The following PPDPFL variants were observed in gnomAD, a reference collection of about 807,000 sequenced individuals.
PPDPFL encodes the protein pancreatic progenitor cell differentiation and proliferation factor like.
A neutral mutation model predicts 12.6 loss-of-function variants in PPDPFL; 12 were observed. The observed-to-expected ratio is 0.95, with a 90% CI of 0.61 to 1.54. The LOEUF is 1.54. Among genes scored for constraint, PPDPFL ranks in the 40% most tolerant of loss-of-function variants. PPDPFL has a pLI of 0.00. For synonymous variants in PPDPFL, 24 were observed against 32.7 expected (o/e 0.73, Z 0.91); for missense variants, 114 against 96.0 (o/e 1.19, Z -0.78).
chr8:49,054,935 C>T (rs754873456), intron 1 of PPDPFL, among the ~76,000 whole-genome samples: 11 of 152,066 alleles, frequency 7.2e-5, no homozygotes, highest in Non-Finnish European at 1.5e-4. Flanking sequence ...TTTGTTGGTG[C>T]TCCTCAAAGC....
Position 49,075,620 on chromosome 8 carries a change from ATTTAT to A in PPDPFL, c.*450_*454del, listed in dbSNP as rs1808484881. The A allele has an allele frequency of 1.2e-5, 3 of 248,574 alleles. No individual in the cohort carries two copies. In the South Asian group the frequency reaches 2.1e-4, roughly 17 times the overall value. The allele number at this position is 248,574 out of a possible 1,614,324, so 15.4% of individuals were successfully genotyped here. On this transcript the variant is annotated 3_prime_UTR_variant, in exon 5 of 5. Coordinates refer to ENST00000522267, the MANE Select transcript of PPDPFL (RefSeq NM_001256597.2). ...AGACTCTTTTTCTGTCTGTTGAGTG[ATTTAT>A]TTATTATGCCTTAAAACTGACTTGT...
At chr8:49,070,837 A>G (rs1438948667), upstream of PPDPFL, among the ~76,000 whole-genome samples, 1 of 152,166 alleles carries the variant, frequency 6.6e-6, no homozygotes, top group African/African-American at 2.4e-5. Flanking sequence ...TAACACAGCC[A>G]TATCATATGG....
rs747432873 is a variant in PPDPFL, at chr8:49,074,126, A to T, written c.123A>T (p.Lys41Asn). Residue 41 changes from lysine (K) to asparagine (N), a missense_variant, in exon 3 of 5, where the codon AAA becomes AAT. Coordinates refer to ENST00000522267, the MANE Select transcript of PPDPFL (RefSeq NM_001256597.2). ...SDSVNFIDDD[K>N]PQQGLPEVAE... ...CTGTTAACTTCATAGATGACGACAA[A>T]CCACAGCAAGGTACTTAGTTATTTC... 4.3e-6 allele frequency: 7 copies of T among 1,612,496 alleles called. No homozygotes were observed. Among genetic ancestry groups the T allele is most frequent in the Non-Finnish European group, 5.9e-6 (7 of 1,178,582 alleles).
At chr8:49,073,303 A>G (rs1257625588) in intron 2 of PPDPFL, among the ~76,000 whole-genome samples, 2 of 152,226 alleles carry the variant, frequency 1.3e-5, no homozygotes, top group African/African-American at 4.8e-5. Flanking sequence ...GCCAACTTCT[A>G]TCTGGCCAGT....
chr8:49,059,342 A>C (rs781448112), intron 1 of PPDPFL, among the ~76,000 whole-genome samples: 6 of 152,286 alleles, frequency 3.9e-5, no homozygotes, highest in African/African-American at 1.4e-4. Flanking sequence ...ATCTTGGTTC[A>C]TGGTAGGGAA....
intron 1 of PPDPFL, among the ~76,000 whole-genome samples, chr8:49,059,957 C>T (rs941851152): frequency 4.7e-4 from 72 of 152,152 alleles, no homozygotes; most frequent in African/African-American, 1.6e-3. Context: ...AAAACCATTC[C>T]GGGCTTTGGA....
chr8:49,070,897 CTGAAATCTGCTCTCT>C, upstream of PPDPFL, among the ~76,000 whole-genome samples: 1 of 152,102 alleles, frequency 6.6e-6, no homozygotes, highest in Middle Eastern at 3.4e-3. Context: ...TTAAGAGCAC[CTGAAATCTGCTCTCT>C]TGGAAAATTT....
At chr8:49,075,116 A>T in intron 4 of PPDPFL, 36 bp from the exon 5 acceptor site, 1 of 1,608,930 alleles carries the variant, frequency 6.2e-7, no homozygotes, top group Non-Finnish European at 8.5e-7. Context: ...TCATTTATTT[A>T]TCCCCTCCTC....
intron 1 of PPDPFL, among the ~76,000 whole-genome samples, chr8:49,059,231 G>A (rs1808158112): frequency 6.6e-6 from 1 of 152,070 alleles, no homozygotes; most frequent in Non-Finnish European, 1.5e-5. Flanking sequence ...GTGGTGTGTT[G>A]TGGTGTGGTG....
Position 49,075,361 on chromosome 8 carries a change from TGAGA to T in PPDPFL, c.*189_*192del. Reference sequence around the variant, plus strand: ...CATTGTAAGAAGACAGAAATGTGTCTGAGATCTCATTTATGAGACAAGATCACAG... The same window carrying T: ...CATTGTAAGAAGACAGAAATGTGTCTTCTCATTTATGAGACAAGATCACAG... On this transcript the variant is annotated 3_prime_UTR_variant, in exon 5 of 5. Coordinates refer to ENST00000522267, the MANE Select transcript of PPDPFL (RefSeq NM_001256597.2). The T allele has an allele frequency of 2.6e-6, 3 of 1,171,940 alleles. No individual in the cohort carries two copies. Among genetic ancestry groups the T allele is most frequent in the Non-Finnish European group, 3.8e-6 (3 of 782,538 alleles). The allele number at this position is 1,171,940 out of a possible 1,614,324, so 72.6% of individuals were successfully genotyped here. A position where few individuals can be genotyped will look rare whatever the true frequency, so the allele number is the denominator to read the frequency against.
At chr8:49,058,334 G>A (rs915962021) in intron 1 of PPDPFL, among the ~76,000 whole-genome samples, 1 of 152,138 alleles carries the variant, frequency 6.6e-6, no homozygotes. Flanking sequence ...GGGATTTGTT[G>A]TTCCATTTCT....
At chr8:49,071,225 T>A (rs975888086), upstream of PPDPFL, among the ~76,000 whole-genome samples, 14 of 152,202 alleles carry the variant, frequency 9.2e-5, no homozygotes, top group African/African-American at 3.4e-4. Flanking sequence ...AATAATTTTT[T>A]AGCAATGTAT....
At chr8:49,064,533 G>A (rs1446840010) in intron 1 of PPDPFL, among the ~76,000 whole-genome samples, 1 of 152,046 alleles carries the variant, frequency 6.6e-6, no homozygotes, top group African/African-American at 2.4e-5. Flanking sequence ...GCAGGATGTG[G>A]GGCCTGGCAG....
chr8:49,058,416 T>C (rs986000340), intron 1 of PPDPFL, among the ~76,000 whole-genome samples: 6 of 152,194 alleles, frequency 3.9e-5, no homozygotes, highest in African/African-American at 1.4e-4. Context: ...AGTGAAAGAA[T>C]ACCAAGCGGG....
chr8:49,057,296 T>TCAGA (rs1808126429), intron 1 of PPDPFL, among the ~76,000 whole-genome samples: 1 of 152,224 alleles, frequency 6.6e-6, no homozygotes, highest in African/African-American at 2.4e-5. Flanking sequence ...TCGTGAATTT[T>TCAGA]GGACAATGAG....
At chr8:49,063,022 C>A (rs1267388182) in intron 1 of PPDPFL, among the ~76,000 whole-genome samples, 2 of 152,146 alleles carry the variant, frequency 1.3e-5, no homozygotes, top group African/African-American at 4.8e-5. Flanking sequence ...GTTGTTCATG[C>A]ACTGTGGAAT....
intron 1 of PPDPFL, among the ~76,000 whole-genome samples, chr8:49,061,354 C>T (rs956921809): frequency 3.3e-5 from 5 of 152,106 alleles, no homozygotes; most frequent in Non-Finnish European, 7.4e-5. Flanking sequence ...GTAGAAGAAA[C>T]CAACCCTGTG....
At chr8:49,067,976 A>T (rs921204648), upstream of PPDPFL, among the ~76,000 whole-genome samples, 6 of 151,898 alleles carry the variant, frequency 4.0e-5, no homozygotes, top group African/African-American at 1.4e-4. Flanking sequence ...TTGGATATTT[A>T]AAAAAAAACT....
chr8:49,062,036 C>T (rs534150860), intron 1 of PPDPFL, among the ~76,000 whole-genome samples: 3 of 152,354 alleles, frequency 2.0e-5, no homozygotes, highest in East Asian at 1.9e-4. Context: ...CACCTATGTT[C>T]TAACCTGCCC....
Sources: gnomAD v4.1 joint callset for allele counts (sites outside exome capture counted in the v4.1 genomes callset) on GRCh38, gnomAD v4.1.1 for gene constraint, MANE v1.5 for transcripts, NCBI Gene and HGNC (gene_info 2026-07-23, HGNC 2026-07-21) for gene names.